The following FGL1 variants were observed in gnomAD, a reference collection of about 807,000 sequenced individuals.
FGL1 encodes the protein fibrinogen like 1, also known as fibrinogen-like protein 1.
In FGL1, 59 loss-of-function variants were observed where a neutral mutation model predicts 43.7. That is an observed-to-expected ratio of 1.35 (90% confidence interval 1.10 to 1.68). The LOEUF (loss-of-function observed/expected upper bound fraction) is 1.68. Among genes scored for constraint, FGL1 ranks in the 40% most tolerant of loss-of-function variants. FGL1 has a pLI of 0.00. For synonymous variants in FGL1, 192 were observed against 126.5 expected (o/e 1.52, Z -3.48); for missense variants, 596 against 373.0 (o/e 1.60, Z -4.92).
rs759580807 is a variant in FGL1 at position 17,868,724 on chromosome 8, C to T, written c.603G>A (p.Glu201=). 6.2e-7 allele frequency: 1 copy of T among 1,610,290 alleles called. No homozygotes were observed. Among genetic ancestry groups the T allele is most frequent in the Non-Finnish European group, 8.5e-7 (1 of 1,178,314 alleles). ...TTCCAGAATATTCCCCAATATTCAA[C>T]TCGTAGAAATTCTAAAGAAAAAGGG... ...FKVGDEKNFY[E]LNIGEYSGTA... The change falls in exon 7 of 8, where the codon GAG becomes GAA. Residue 201 remains glutamate, a synonymous_variant. Coordinates refer to ENST00000427924, the MANE Select transcript of FGL1 (RefSeq NM_004467.4).
intron 4 of FGL1, 56 bp from the exon 5 acceptor site, chr8:17,874,172 C>T (rs956731771): frequency 2.3e-5 from 33 of 1,428,154 alleles, no homozygotes; most frequent in African/African-American, 8.5e-5. Flanking sequence ...GGTACCAAAG[C>T]GACCACCACC....
chr8:17,882,414 T>C (rs35423846), intron 2 of FGL1: 7,319 of 381,826 alleles, frequency 0.019, 97 homozygotes, highest in Non-Finnish European at 0.026. Flanking sequence ...ATAAAATAAT[T>C]GGAATCGCTA....
chr8:17,885,540 G>A lies in FGL1; in HGVS notation c.15C>T (p.Phe5=). The part of the protein sequence containing the change: MAKV[F]SFILVTTALT... ...GAGCGGTGGTAACAAGGATGAAACT[G>A]AACACCTTTGCCATGTTCCCCCTTG... The change falls in exon 2 of 8, where the codon TTC becomes TTT. Residue 5 remains phenylalanine, a synonymous_variant. Coordinates refer to ENST00000427924, the MANE Select transcript of FGL1 (RefSeq NM_004467.4). The A allele has an allele frequency of 6.2e-7, 1 of 1,613,778 alleles. No homozygotes were observed. Among genetic ancestry groups the A allele is most frequent in the Non-Finnish European group, 8.5e-7 (1 of 1,179,832 alleles).
chr8:17,882,319 T>G, intron 2 of FGL1, 140 bp from the exon 3 acceptor site: 1 of 804,576 alleles, frequency 1.2e-6, no homozygotes. Flanking sequence ...GAAAGTGGCT[T>G]GAAAAGTTCT....
intron 1 of FGL1, among the ~76,000 whole-genome samples, chr8:17,890,495 C>T (rs1027237376): frequency 6.6e-6 from 1 of 152,154 alleles, no homozygotes; most frequent in African/African-American, 2.4e-5. Flanking sequence ...CTGGAATGCT[C>T]TTCTGAAAAT....
chr8:17,891,471 A>G (rs1563463792), intron 1 of FGL1: 1 of 153,582 alleles, frequency 6.5e-6, no homozygotes, highest in African/African-American at 2.4e-5. Context: ...CCCTCTTCAT[A>G]TAAGGACATC....
intron 3 of FGL1, among the ~76,000 whole-genome samples, chr8:17,881,768 A>T (rs1158713378): frequency 2.0e-5 from 3 of 150,840 alleles, no homozygotes; most frequent in Admixed American, 6.6e-5. Flanking sequence ...TGGTAGACGG[A>T]GCTTGCAGTG....
intron 7 of FGL1, among the ~76,000 whole-genome samples, chr8:17,866,861 T>C (rs562083139): frequency 6.6e-6 from 1 of 152,356 alleles, no homozygotes; most frequent in South Asian, 2.1e-4. Context: ...TTAAGTTTTA[T>C]GTCATGCTGA....
chr8:17,867,150 G>A lies in FGL1; in HGVS notation c.779+1398C>T, dbSNP rs34787880. On this transcript the variant is annotated intron_variant, in intron 7 of 7. Coordinates refer to ENST00000427924, the MANE Select transcript of FGL1 (RefSeq NM_004467.4). The stretch of plus-strand genomic sequence containing the variant: ...GTACTCCCTTATCTGCAGGGGATAC[G>A]TTCTAAGACCCCTAGTGGATGCCTG... Among the ~76,000 whole-genome samples, 551 of 152,228 alleles carry A rather than the reference G, an allele frequency of 3.6e-3. 2 individuals carry two copies. The highest frequency in any genetic ancestry group is 0.012 in the African/African-American group (508 of 41,534).
chr8:17,878,148 C>G (rs1366810185), intron 3 of FGL1, among the ~76,000 whole-genome samples: 1 of 151,974 alleles, frequency 6.6e-6, no homozygotes, highest in Non-Finnish European at 1.5e-5. Flanking sequence ...GTTAGAGTCT[C>G]ACTATGTTGC....
intron 1 of FGL1, chr8:17,891,639 G>A (rs112813074): frequency 2.3e-5 from 23 of 979,170 alleles, no homozygotes; most frequent in African/African-American, 1.8e-4. Flanking sequence ...ACAGGTACTC[G>A]ACAAAATATC....
At position 17,867,386 on chromosome 8, in the gene FGL1, C is replaced by T. The variant is rs35453240; in HGVS notation, c.779+1162G>A. 3.7e-3 allele frequency among the ~76,000 whole-genome samples: 555 copies of T among 152,042 alleles called. 3 individuals carry two copies. The highest frequency in any genetic ancestry group is 0.012 in the African/African-American group (512 of 41,480). ...TGTATGTCACTGTAAAATTTCAGAACGCTAGGGGGAAAAATCTTTTGGGTG... is the reference window on the plus strand; with the variant it reads ...TGTATGTCACTGTAAAATTTCAGAATGCTAGGGGGAAAAATCTTTTGGGTG... On this transcript the variant is annotated intron_variant, in intron 7 of 7. Coordinates refer to ENST00000427924, the MANE Select transcript of FGL1 (RefSeq NM_004467.4).
At chr8:17,885,984 G>T (rs533744605) in intron 1 of FGL1, among the ~76,000 whole-genome samples, 10 of 152,252 alleles carry the variant, frequency 6.6e-5, no homozygotes, top group Admixed American at 5.9e-4. Flanking sequence ...AAACTCCTGG[G>T]CTTGAGTGAT....
At chr8:17,869,481 G>T (rs978353614) in intron 5 of FGL1, among the ~76,000 whole-genome samples, 2 of 152,168 alleles carry the variant, frequency 1.3e-5, no homozygotes. Flanking sequence ...GCCTGCATAT[G>T]CCTGAACTTG....
chr8:17,882,856 CAT>C (rs1455107109), intron 2 of FGL1, among the ~76,000 whole-genome samples: 9 of 92,196 alleles, frequency 9.8e-5, no homozygotes, highest in South Asian at 5.5e-4. Context: ...TAATATATAT[CAT>C]ATATAATATA....
rs115313188 is a variant in FGL1, at chr8:17,881,886, T to C, written c.244+113A>G. 105 of 826,974 alleles carry C rather than the reference T, an allele frequency of 1.3e-4. No homozygotes were observed. The African/African-American group carries it at 1.7e-3, about 14-fold the overall frequency. The allele number at this position is 826,974 out of a possible 1,614,324, so 51.2% of individuals were successfully genotyped here. A position where few individuals can be genotyped will look rare whatever the true frequency, so the allele number is the denominator to read the frequency against. On this transcript the variant is annotated intron_variant, in intron 3 of 7. Coordinates refer to ENST00000427924, the MANE Select transcript of FGL1 (RefSeq NM_004467.4). The stretch of plus-strand genomic sequence containing the variant: ...AAGAAGACATTTACAATAGATATAA[T>C]GCTTCATATTGCTTGTTACTGAAAT...
intron 5 of FGL1, among the ~76,000 whole-genome samples, chr8:17,870,199 A>C (rs2053337237): frequency 1.3e-5 from 2 of 152,352 alleles, no homozygotes; most frequent in East Asian, 1.9e-4. Context: ...ATGATGACAA[A>C]AAATCTCTAA....
intron 4 of FGL1, 61 bp downstream of exon 4, chr8:17,874,301 T>C: frequency 6.5e-7 from 1 of 1,548,686 alleles, no homozygotes; most frequent in Non-Finnish European, 8.8e-7. Flanking sequence ...GATCAAAATA[T>C]TTGACTTATA....
intron 3 of FGL1, among the ~76,000 whole-genome samples, chr8:17,876,009 G>A (rs1187794740): frequency 6.6e-6 from 1 of 152,126 alleles, no homozygotes; most frequent in Non-Finnish European, 1.5e-5. Flanking sequence ...CGTGGCAAAT[G>A]GGGACCTCTC....
Sources: gnomAD v4.1 joint callset for allele counts (sites outside exome capture counted in the v4.1 genomes callset) on GRCh38, gnomAD v4.1.1 for gene constraint, MANE v1.5 for transcripts, NCBI Gene and HGNC (gene_info 2026-07-23, HGNC 2026-07-21) for gene names.